The following WDR90 variants were observed in gnomAD, a reference collection of about 807,000 sequenced individuals.
WDR90 encodes WD repeat-containing protein 90.
Under a neutral mutation model 195.2 loss-of-function variants are expected in WDR90, and 238 were observed. The ratio of observed to expected loss-of-function variants is 1.22; its 90% CI spans 1.10 to 1.36. The LOEUF is 1.36. Ranked by LOEUF, WDR90 falls within the 40% of genes most tolerant of loss-of-function variation. The probability of loss-of-function intolerance (pLI) is 0.00; values close to 1 mark genes in which losing one functional copy is unlikely to be tolerated. For synonymous variants in WDR90, 1,265 were observed against 1,052.4 expected (o/e 1.20, Z -3.91); for missense variants, 2,734 against 2,439.5 (o/e 1.12, Z -2.54).
chr16:662,151 C>T (rs1046529057), intron 32 of WDR90, 69 bp from the exon 33 acceptor site: 58 of 1,529,800 alleles, frequency 3.8e-5, no homozygotes, highest in Non-Finnish European at 4.4e-5. Flanking sequence ...CCCTGGCGTC[C>T]GGGCAGCCTT....
At position 651,080 on chromosome 16, in the gene WDR90, G is replaced by A. The variant is rs986262275; in HGVS notation, c.645G>A (p.Trp215Ter). ...TCCCTGTGCCCAAGGGAGAGAGCTG[G>A]CATGACCGCTACATCCACGTCCGGT... ...MAFPVPKGES[W>*]HDRYIHVRFP... is the part of the protein sequence containing the mutation. Residue 215 changes from tryptophan to a stop codon, truncating the protein, a stop_gained, in exon 6 of 41, where the codon TGG becomes TGA. Transcript: ENST00000293879. LOFTEE classifies it high-confidence loss of function. The A allele has an allele frequency of 4.3e-6, 7 of 1,613,356 alleles. No individual in the cohort carries two copies. The highest frequency in any genetic ancestry group is 5.9e-6 in the Non-Finnish European group (7 of 1,179,864).
At position 657,135 on chromosome 16, in the gene WDR90, G is replaced by A; in HGVS notation, c.2387G>A (p.Gly796Asp). ...ACCGGCCTGACCGCCACCCCTGACG[G>A]CCGCCTGCTCTTCAGCTCCTGCTCC... Reference protein sequence around the residue: ...AVTGLTATPDGRLLFSSCSQG... With the variant: ...AVTGLTATPDDRLLFSSCSQG... Residue 796 changes from glycine to aspartate, a missense_variant, in exon 20 of 41, where the codon GGC becomes GAC. Coordinates refer to ENST00000293879, the MANE Select transcript of WDR90 (RefSeq NM_145294.5). 6.3e-7 allele frequency: 1 copy of A among 1,579,342 alleles called. No individual in the cohort carries two copies. Among genetic ancestry groups the A allele is most frequent in the South Asian group, 1.2e-5 (1 of 86,550 alleles).
intron 17 of WDR90, 165 bp downstream of exon 17, chr16:656,054 C>CGGGGCGGCTG: frequency 1.1e-6 from 1 of 912,690 alleles, no homozygotes; most frequent in Non-Finnish European, 1.6e-6. Context: ...CGGCTGATGC[C>CGGGGCGGCTG]AGGGCGGCCC....
chr16:661,778 C>A lies in WDR90; in HGVS notation c.3855C>A (p.Ile1285=), dbSNP rs925094356. 1 of 1,601,288 alleles carries A rather than the reference C, an allele frequency of 6.2e-7. No homozygotes were observed. The highest frequency in any genetic ancestry group is 1.1e-5 in the South Asian group (1 of 89,864). The change falls in exon 31 of 41, where the codon ATC becomes ATA. Residue 1285 remains isoleucine (I), a synonymous_variant. Transcript: ENST00000293879. ...TCCTTCAGCAGCGTGGGGCAGACAT[C>A]AGCCTTCAGGTGCCACCCGTTCAGC... ...FWLLQQRGAD[I]SLQVRREPVP...
chr16:661,078 T>A lies in WDR90; in HGVS notation c.3419T>A (p.Leu1140Gln). The A allele has an allele frequency of 1.4e-6, 2 of 1,444,480 alleles. No individual in the cohort carries two copies. Among genetic ancestry groups the A allele is most frequent in the Non-Finnish European group, 1.8e-6 (2 of 1,107,540 alleles). The allele number at this position is 1,444,480 out of a possible 1,614,324, so 89.5% of individuals were successfully genotyped here. ...TTCTTTGCCTACACGTGCGGCCGCCTGGTGGTGGTGGAGGACCTGCACTCT... is the reference window on the plus strand; with the variant it reads ...TTCTTTGCCTACACGTGCGGCCGCCAGGTGGTGGTGGAGGACCTGCACTCT... ...TGFFAYTCGR[L>Q]VVVEDLHSGA... Residue 1140 changes from leucine to glutamine, a missense_variant, in exon 29 of 41, where the codon CTG becomes CAG. Transcript: ENST00000293879.
In WDR90 at chr16:656,509, G is replaced by C. The variant is rs776686891; in HGVS notation, c.2174G>C (p.Arg725Pro). The change falls in exon 18 of 41, where the codon CGC (arginine) becomes CCC (proline). Residue 725 changes from arginine to proline, a missense_variant. Arg to Pro is a moderately radical substitution (Grantham distance 103). Coordinates refer to ENST00000293879, the MANE Select transcript of WDR90 (RefSeq NM_145294.5). Reference sequence around the variant, plus strand: ...ACCGTGTCCCAGGACCGTACCGTCCGCATCTGGGACCTGGCCACCCTGCAG... The same window carrying C: ...ACCGTGTCCCAGGACCGTACCGTCCCCATCTGGGACCTGGCCACCCTGCAG... ...LATVSQDRTVRIWDLATLQQL... is the reference protein window; with the variant it reads ...LATVSQDRTVPIWDLATLQQL... 1.3e-6 allele frequency: 2 copies of C among 1,574,366 alleles called. No homozygotes were observed. Among genetic ancestry groups the C allele is most frequent in the East Asian group, 2.3e-5 (1 of 42,730 alleles).
upstream of WDR90, chr16:649,003 G>A (rs1446627255): frequency 5.5e-6 from 1 of 182,858 alleles, no homozygotes; most frequent in Non-Finnish European, 1.1e-5. Flanking sequence ...GCCTCTGGAC[G>A]GCGAGAGAGC....
Position 666,240 on chromosome 16 carries a change from G to A in WDR90, c.4630G>A (p.Asp1544Asn), listed in dbSNP as rs1487356215. 6.2e-7 allele frequency: 1 copy of A among 1,612,684 alleles called. No homozygotes were observed. Among genetic ancestry groups the A allele is most frequent in the Admixed American group, 1.7e-5 (1 of 60,018 alleles). Residue 1544 changes from aspartate (D) to asparagine (N), a missense_variant, in exon 37 of 41, where the codon GAC (aspartate) becomes AAC (asparagine). Asp to Asn is a conservative substitution (Grantham distance 23). Coordinates refer to ENST00000293879, the MANE Select transcript of WDR90 (RefSeq NM_145294.5). ...CCCAGGTCAGACTGTCCTCTCTGGAGACAAGGATGGGCTCGTGGCTGTGAG... is the reference window on the plus strand; with the variant it reads ...CCCAGGTCAGACTGTCCTCTCTGGAAACAAGGATGGGCTCGTGGCTGTGAG... ...STDGQTVLSG[D>N]KDGLVAVSHP...
chr16:666,671 A>G lies in WDR90; in HGVS notation c.4885-2A>G. 3.1e-6 allele frequency: 5 copies of G among 1,612,502 alleles called. No homozygotes were observed. The highest frequency in any genetic ancestry group is 1.1e-5 in the South Asian group (1 of 91,048). ...CCACCGCAGCATGCTGCGCCTTTGCAGACTCAGGGCCACCTGCCACCCTCC... is the reference window on the plus strand; with the variant it reads ...CCACCGCAGCATGCTGCGCCTTTGCGGACTCAGGGCCACCTGCCACCCTCC... On this transcript the variant is annotated splice_acceptor_variant, in intron 38 of 40. Transcript: ENST00000293879. LOFTEE classifies it high-confidence loss of function.
chr16:649,240 G>A (rs1318934270), upstream of WDR90: 19 of 655,592 alleles, frequency 2.9e-5, no homozygotes, highest in East Asian at 7.0e-5. Context: ...AACCCTGGAG[G>A]CCGCTGACGT....
rs777467249 is a variant in WDR90, at chr16:661,451, C to T, written c.3623C>T (p.Thr1208Ile). 1.8e-5 allele frequency: 29 copies of T among 1,612,066 alleles called. No individual in the cohort carries two copies. Among genetic ancestry groups the T allele is most frequent in the Non-Finnish European group, 2.4e-5 (28 of 1,179,692 alleles). ...CATCTCATTTTCCCCCATAGCACCA[C>T]CGTGCTGGCCCTGGCCTTCTCACCA... ...CQHLIFPHST[T>I]VLALAFSPDD... Residue 1208 changes from threonine to isoleucine, a missense_variant, in exon 30 of 41, where the codon ACC becomes ATC. By Grantham distance (89) the Thr-to-Ile change is moderately conservative. Coordinates refer to ENST00000293879, the MANE Select transcript of WDR90 (RefSeq NM_145294.5).
intron 1 of WDR90, 156 bp downstream of exon 1, chr16:649,582 C>A: frequency 8.5e-7 from 1 of 1,177,110 alleles, no homozygotes; most frequent in East Asian, 3.3e-5. Context: ...CCCTCGGGCT[C>A]CCGGAGCTTG....
In WDR90 at chr16:659,248, C is replaced by T. The variant is rs754501977; in HGVS notation, c.3056C>T (p.Pro1019Leu). ...CACAGGGCTGCTTCTTCCCCAGGCC[C>T]GGGCGCAGGACCGCTGGAGGACGCA... ...PGAPPACKTGPGAGPLEDAAS... is the reference protein window; with the variant it reads ...PGAPPACKTGLGAGPLEDAAS... Residue 1019 changes from proline to leucine, a missense_variant, in exon 26 of 41, where the codon CCG (proline) becomes CTG (leucine). Physicochemically the swap from Pro to Leu is moderately conservative, Grantham distance 98. Coordinates refer to ENST00000293879, the MANE Select transcript of WDR90 (RefSeq NM_145294.5). 32 of 1,611,446 alleles carry T rather than the reference C, an allele frequency of 2.0e-5. No individual in the cohort carries two copies. The African/African-American group carries it at 2.3e-4, about 11-fold the overall frequency.
In WDR90 at chr16:659,307, G is replaced by T. The variant is rs748492417; in HGVS notation, c.3115G>T (p.Val1039Phe). 10 of 1,600,626 alleles carry T rather than the reference G, an allele frequency of 6.2e-6. No homozygotes were observed. Among genetic ancestry groups the T allele is most frequent in the Non-Finnish European group, 8.5e-6 (10 of 1,174,712 alleles). The change falls in exon 26 of 41, where the codon GTC (valine) becomes TTC (phenylalanine). Residue 1039 changes from valine to phenylalanine, a missense_variant. Coordinates refer to ENST00000293879, the MANE Select transcript of WDR90 (RefSeq NM_145294.5). ...SRASELPRQQVPKPCQASPPR... is the reference protein window; with the variant it reads ...SRASELPRQQFPKPCQASPPR... ...GGCCAGCGAGCTCCCCCGGCAGCAG[G>T]TCCCCAAGCCATGTCAGGCATCTCC...
Position 649,898 on chromosome 16 carries a change from C to T in WDR90, c.102+44C>T, listed in dbSNP as rs745438281. The T allele has an allele frequency of 1.6e-5, 26 of 1,581,778 alleles. No homozygotes were observed. In the Middle Eastern group the frequency reaches 3.0e-3, roughly 184 times the overall value. ...GCCCGGAGCCCACACCCCTGCCCTGCCCCCAGGAGAGCTGCCCCGCCCCCG... is the reference window on the plus strand; with the variant it reads ...GCCCGGAGCCCACACCCCTGCCCTGTCCCCAGGAGAGCTGCCCCGCCCCCG... On this transcript the variant is annotated intron_variant, in intron 2 of 40. Coordinates refer to ENST00000293879, the MANE Select transcript of WDR90 (RefSeq NM_145294.5).
Position 655,762 on chromosome 16 carries a change from C to A in WDR90, c.1850-11C>A. 1.3e-6 allele frequency: 2 copies of A among 1,583,732 alleles called. No individual in the cohort carries two copies. The highest frequency in any genetic ancestry group is 2.3e-5 in the East Asian group (1 of 43,610). ...AGGGACACCGAGGCACTGACGCCTC[C>A]CTGCCCCCAGGCCCCGGCATTGCCA... On this transcript the variant is annotated splice_polypyrimidine_tract_variant and intron_variant, in intron 16 of 40. Coordinates refer to ENST00000293879, the MANE Select transcript of WDR90 (RefSeq NM_145294.5).
Position 656,299 on chromosome 16 carries a change from C to G in WDR90, c.1967-3C>G, listed in dbSNP as rs1319660590. ...GAGGCCCCTGACCCCACCCCACCCA[C>G]AGAGCACGAGGGCCCCGTCAGCTCA... On this transcript the variant is annotated splice_region_variant and splice_polypyrimidine_tract_variant and intron_variant, in intron 17 of 40. Transcript: ENST00000293879. 1 of 1,603,280 alleles carries G rather than the reference C, an allele frequency of 6.2e-7. No homozygotes were observed. Among genetic ancestry groups the G allele is most frequent in the Non-Finnish European group, 8.5e-7 (1 of 1,175,744 alleles).
chr16:653,697 G>A (rs772309811), intron 12 of WDR90, 27 bp downstream of exon 12: 3 of 1,613,190 alleles, frequency 1.9e-6, no homozygotes, highest in East Asian at 2.2e-5. Flanking sequence ...CCCATGCAGG[G>A]GGAGGGGGTC....
In WDR90 at chr16:656,748, C is replaced by A; in HGVS notation, c.2219C>A (p.Ser740Ter). The change falls in exon 19 of 41, where the codon TCA becomes TAA. Residue 740 changes from serine (S) to a stop codon, truncating the protein, a stop_gained. Transcript: ENST00000293879. LOFTEE classifies it high-confidence loss of function. ...GTCCCACAGCTATACGACTTCACAT[C>A]ATCAGAGGACGCCCCGTGCGCTGTC... The part of the protein sequence containing the change: ...ATLQQLYDFT[S>*]SEDAPCAVTF... The A allele has an allele frequency of 6.2e-7, 1 of 1,613,076 alleles. No homozygotes were observed. The highest frequency in any genetic ancestry group is 8.5e-7 in the Non-Finnish European group (1 of 1,179,886).
Sources: allele counts gnomAD v4.1 joint callset, GRCh38; gene constraint gnomAD v4.1.1; transcripts MANE v1.5; gene names NCBI Gene and HGNC (gene_info 2026-07-23, HGNC 2026-07-21).